The following GNA13 variants were observed in gnomAD, a reference collection of about 807,000 sequenced individuals.
The protein encoded by GNA13 is guanine nucleotide-binding protein subunit alpha-13.
GNA13 carries 4 observed loss-of-function variants against 33.5 expected under a neutral mutation model. The observed-to-expected ratio is 0.12, with a 90% CI of 0.06 to 0.27. The LOEUF is 0.27. Among genes scored for constraint, GNA13 ranks in the 10% least tolerant of loss-of-function variants. The pLI is 1.00. For synonymous variants in GNA13, 176 were observed against 183.8 expected (o/e 0.96, Z 0.34); for missense variants, 319 against 487.2 (o/e 0.65, Z 3.25).
chr17:65,049,693 T>G (rs1169491167), intron 2 of GNA13, among the ~76,000 whole-genome samples: 2 of 152,164 alleles, frequency 1.3e-5, no homozygotes, highest in Non-Finnish European at 2.9e-5. Flanking sequence ...GCACTGTTCC[T>G]GGGGAAAGGG....
Position 65,053,495 on chromosome 17 carries a change from C to T in GNA13, c.510+7G>A. 1 of 1,536,352 alleles carries T rather than the reference C, an allele frequency of 6.5e-7. No individual in the cohort carries two copies. The highest frequency in any genetic ancestry group is 9.0e-7 in the Non-Finnish European group (1 of 1,109,330). ...AACCACACGTTTTAAAAGAGCAAATCTCTTACCAGTTGAAATTCTCGACGC... is the reference window on the plus strand; with the variant it reads ...AACCACACGTTTTAAAAGAGCAAATTTCTTACCAGTTGAAATTCTCGACGC... On this transcript the variant is annotated splice_region_variant and intron_variant, in intron 2 of 3. Coordinates refer to ENST00000439174, the MANE Select transcript of GNA13 (RefSeq NM_006572.6).
chr17:65,014,251 T>G lies in GNA13; in HGVS notation c.*6A>C. ...AAAGATATTAAAACAGCAAGTCTTT[T>G]GTACATCACTGTAGCATAAGCTGCT... is the stretch of plus-strand genomic sequence containing the variant. On this transcript the variant is annotated 3_prime_UTR_variant, in exon 4 of 4. Coordinates refer to ENST00000439174, the MANE Select transcript of GNA13 (RefSeq NM_006572.6). This position sits in a 1 kb window ranked among gnomAD's most constrained non-coding sequence, Gnocchi z 5.3. The G allele has an allele frequency of 4.0e-6, 6 of 1,496,258 alleles. No individual in the cohort carries two copies. The highest frequency in any genetic ancestry group is 5.5e-6 in the Non-Finnish European group (6 of 1,082,240). 92.7% of individuals were successfully genotyped at this position (1,496,258 alleles called of 1,614,324 possible). A position where few individuals can be genotyped will look rare whatever the true frequency, so the allele number is the denominator to read the frequency against.
intron 2 of GNA13, among the ~76,000 whole-genome samples, chr17:65,019,873 T>G (rs143472304): frequency 6.6e-6 from 1 of 152,230 alleles, no homozygotes; most frequent in South Asian, 2.1e-4. Flanking sequence ...AAGGGAGAGA[T>G]ACCCTATCTT....
chr17:65,028,784 C>T (rs751469317), intron 2 of GNA13, among the ~76,000 whole-genome samples: 4 of 152,120 alleles, frequency 2.6e-5, no homozygotes, highest in South Asian at 2.1e-4. Context: ...CTCTTCAGCT[C>T]CACACCACCT....
chr17:65,030,517 A>G (rs1031707623), intron 2 of GNA13, among the ~76,000 whole-genome samples: 5 of 152,226 alleles, frequency 3.3e-5, no homozygotes, highest in Admixed American at 6.5e-5. Context: ...GATTTTATAG[A>G]CTATAATGAA....
At chr17:65,047,514 A>G (rs1907708452) in intron 2 of GNA13, among the ~76,000 whole-genome samples, 1 of 152,250 alleles carries the variant, frequency 6.6e-6, no homozygotes. Flanking sequence ...ATAGGTTTTT[A>G]GCAACTCAAA....
At chr17:65,049,476 T>C (rs187282740) in intron 2 of GNA13, among the ~76,000 whole-genome samples, 28 of 152,214 alleles carry the variant, frequency 1.8e-4, no homozygotes, top group African/African-American at 6.7e-4. Context: ...GGCACTATGC[T>C]AGTAGGAGAG....
At position 65,053,530 on chromosome 17, in the gene GNA13, G is replaced by A. The variant is rs1944484066; in HGVS notation, c.482C>T (p.Ala161Val). ...TTGAAATTCTCGACGCCGGTCATAG[G>A]CATTCTGTATGCCGCTGTCTGCCCA... Reference protein sequence around the residue: ...ALWADSGIQNAYDRRREFQLG... With the variant: ...ALWADSGIQNVYDRRREFQLG... Residue 161 changes from alanine (A) to valine (V), a missense_variant, in exon 2 of 4, where the codon GCC becomes GTC. Physicochemically the swap from Ala to Val is moderately conservative, Grantham distance 64. Coordinates refer to ENST00000439174, the MANE Select transcript of GNA13 (RefSeq NM_006572.6). 2 of 1,609,844 alleles carry A rather than the reference G, an allele frequency of 1.2e-6. No homozygotes were observed.
In GNA13 at chr17:65,047,661, C is replaced by CTT. The variant is rs34243706; in HGVS notation, c.510+5839_510+5840dup. 6.4e-3 allele frequency among the ~76,000 whole-genome samples: 940 copies of CTT among 147,304 alleles called. 11 individuals carry two copies. The highest frequency in any genetic ancestry group is 0.041 in the East Asian group (209 of 5,060). ...CATTAATTAATAAATGACTCTGATT[C>CTT]TTTTTTTTTTTTAAGAGGGAGGGGG... is the stretch of plus-strand genomic sequence containing the variant. On this transcript the variant is annotated intron_variant, in intron 2 of 3. Coordinates refer to ENST00000439174, the MANE Select transcript of GNA13 (RefSeq NM_006572.6).
rs1215431078 is a variant in GNA13, at chr17:65,011,415, G to T, written c.*2842C>A. ...CCTTTCCAGATAATAAAATTGAAAT[G>T]AAGATTTCAATTTAATATTTGGCAG... On this transcript the variant is annotated 3_prime_UTR_variant, in exon 4 of 4. Transcript: ENST00000439174. The T allele has an allele frequency of 5.1e-6, 1 of 197,660 alleles. No homozygotes were observed. Among genetic ancestry groups the T allele is most frequent in the Non-Finnish European group, 1.0e-5 (1 of 95,322 alleles). The allele number at this position is 197,660 out of a possible 1,614,324, so 12.2% of individuals were successfully genotyped here. A position where few individuals can be genotyped will look rare whatever the true frequency, so the allele number is the denominator to read the frequency against.
chr17:65,033,379 T>C (rs1025159759), intron 2 of GNA13, among the ~76,000 whole-genome samples: 2 of 151,336 alleles, frequency 1.3e-5, no homozygotes, highest in African/African-American at 4.9e-5. Flanking sequence ...GTCCAGCTAC[T>C]AGGAGGCTGA....
chr17:65,014,250 T>C lies in GNA13; in HGVS notation c.*7A>G, dbSNP rs1254594117. On this transcript the variant is annotated 3_prime_UTR_variant, in exon 4 of 4. Coordinates refer to ENST00000439174, the MANE Select transcript of GNA13 (RefSeq NM_006572.6). The surrounding 1 kb of genome is among the most constrained non-coding windows in gnomAD (Gnocchi z 5.3). ...AAAAGATATTAAAACAGCAAGTCTT[T>C]TGTACATCACTGTAGCATAAGCTGC... is the stretch of plus-strand genomic sequence containing the variant. The C allele has an allele frequency of 4.0e-6, 6 of 1,503,594 alleles. No individual in the cohort carries two copies. Among genetic ancestry groups the C allele is most frequent in the East Asian group, 4.5e-5 (2 of 44,138 alleles). 93.1% of individuals were successfully genotyped at this position (1,503,594 alleles called of 1,614,324 possible).
At chr17:65,050,658 G>A (rs1220134754) in intron 2 of GNA13, among the ~76,000 whole-genome samples, 1 of 152,108 alleles carries the variant, frequency 6.6e-6, no homozygotes, top group African/African-American at 2.4e-5. Context: ...CTTGAGCCCA[G>A]GAGTTGAGTC....
At chr17:65,047,609 T>A (rs1907712558) in intron 2 of GNA13, among the ~76,000 whole-genome samples, 1 of 152,086 alleles carries the variant, frequency 6.6e-6, no homozygotes. Context: ...TAGCAATTCT[T>A]TAATATTTAA....
At chr17:65,032,940 G>A (rs186351557) in intron 2 of GNA13, among the ~76,000 whole-genome samples, 3 of 152,072 alleles carry the variant, frequency 2.0e-5, no homozygotes, top group South Asian at 2.1e-4. Flanking sequence ...GTGAAACCCC[G>A]TCTCTACTCA....
In GNA13 at chr17:65,046,337, C is replaced by G. The variant is rs375861539; in HGVS notation, c.510+7165G>C. On this transcript the variant is annotated intron_variant, in intron 2 of 3. Coordinates refer to ENST00000439174, the MANE Select transcript of GNA13 (RefSeq NM_006572.6). ...ACAGGATCTCACTCTGTTGGCCAGGCTGGAGTGCAATGGTGCTATCATAGC... is the reference window on the plus strand; with the variant it reads ...ACAGGATCTCACTCTGTTGGCCAGGGTGGAGTGCAATGGTGCTATCATAGC... Among the ~76,000 whole-genome samples, 81 of 152,274 alleles carry G rather than the reference C, an allele frequency of 5.3e-4. No homozygotes were observed. In the East Asian group the frequency reaches 0.014, roughly 27 times the overall value.
intron 2 of GNA13, among the ~76,000 whole-genome samples, chr17:65,052,446 G>T (rs1217792651): frequency 6.6e-6 from 1 of 152,200 alleles, no homozygotes; most frequent in Non-Finnish European, 1.5e-5. Context: ...GAGCCACCGT[G>T]CCCAGCCAGC....
rs1437285650 is a variant in GNA13, at chr17:65,011,057, A to G, written c.*3200T>C. On this transcript the variant is annotated 3_prime_UTR_variant, in exon 4 of 4. Coordinates refer to ENST00000439174, the MANE Select transcript of GNA13 (RefSeq NM_006572.6). Reference sequence around the variant, plus strand: ...AATGCTGAAAATACATTTTATCAAAAGCATAAATACAAGTATTTGGGTACA... The same window carrying G: ...AATGCTGAAAATACATTTTATCAAAGGCATAAATACAAGTATTTGGGTACA... 1 of 204,360 alleles carries G rather than the reference A, an allele frequency of 4.9e-6. No homozygotes were observed. The allele number at this position is 204,360 out of a possible 1,614,324, so 12.7% of individuals were successfully genotyped here.
At chr17:65,041,526 G>A (rs1250587107) in intron 2 of GNA13, among the ~76,000 whole-genome samples, 1 of 152,008 alleles carries the variant, frequency 6.6e-6, no homozygotes, top group Non-Finnish European at 1.5e-5. Context: ...TATGTATTTT[G>A]TGAACATATG....
Sources: allele counts gnomAD v4.1 joint callset (sites outside exome capture counted in the v4.1 genomes callset), GRCh38; gene constraint gnomAD v4.1.1; non-coding constraint Gnocchi (gnomAD v3.1); transcripts MANE v1.5; gene names NCBI Gene and HGNC (gene_info 2026-07-23, HGNC 2026-07-21).